The following PLCB1 variants were observed in gnomAD, a reference collection of about 807,000 sequenced individuals.
The protein encoded by PLCB1 is phospholipase C beta 1, also known as 1-phosphatidylinositol 4,5-bisphosphate phosphodiesterase beta-1.
In PLCB1, 46 loss-of-function variants were observed where a neutral mutation model predicts 161.8. That is an observed-to-expected ratio of 0.28 (90% confidence interval 0.22 to 0.36). PLCB1 has a LOEUF of 0.36. Among genes scored for constraint, PLCB1 ranks in the 10% least tolerant of loss-of-function variants. The probability of loss-of-function intolerance (pLI) is 1.00; values close to 1 mark genes in which losing one functional copy is unlikely to be tolerated. For missense variants in PLCB1, 1,016 were observed against 1,472.5 expected (o/e 0.69, Z 5.07); for synonymous variants, 517 against 503.7 (o/e 1.03, Z -0.35).
intron 7 of PLCB1, chr20:8,653,345 C>G (rs1989369861): frequency 6.6e-6 from 1 of 151,960 alleles, no homozygotes; most frequent in South Asian, 2.1e-4. Flanking sequence ...TGCCTTACAT[C>G]CTGAATATAA....
intron 3 of PLCB1, among the ~76,000 whole-genome samples, chr20:8,424,384 T>C (rs1204297128): frequency 6.6e-6 from 1 of 152,256 alleles, no homozygotes; most frequent in Admixed American, 6.5e-5. Context: ...ACTATAAGCA[T>C]GTATTATTTT....
chr20:8,722,265 A>C (rs1979684748), intron 14 of PLCB1, 89 bp from the exon 15 acceptor site: 1 of 945,598 alleles, frequency 1.1e-6, no homozygotes. Context: ...GGAAATCTGT[A>C]ATTGATTTTA....
intron 3 of PLCB1, among the ~76,000 whole-genome samples, chr20:8,591,075 T>C (rs1219132091): frequency 6.6e-6 from 1 of 152,114 alleles, no homozygotes; most frequent in Non-Finnish European, 1.5e-5. Flanking sequence ...CATGAGGCGT[T>C]TGGTTTTCTG....
At chr20:8,604,226 C>G (rs1987689370) in intron 3 of PLCB1, among the ~76,000 whole-genome samples, 1 of 127,760 alleles carries the variant, frequency 7.8e-6, no homozygotes, top group Admixed American at 9.4e-5. Flanking sequence ...GCACTCCAGC[C>G]TGAGTAACAG....
chr20:8,517,072 C>T (rs567511372), intron 3 of PLCB1, among the ~76,000 whole-genome samples: 4 of 152,102 alleles, frequency 2.6e-5, no homozygotes, highest in African/African-American at 7.2e-5. Context: ...AAATTCACCA[C>T]AATAGAGGGG....
chr20:8,668,809 A>G (rs901054969), intron 9 of PLCB1, among the ~76,000 whole-genome samples: 5 of 152,198 alleles, frequency 3.3e-5, no homozygotes. Flanking sequence ...ACAGTCTGCT[A>G]TGATATTATT....
intron 2 of PLCB1, among the ~76,000 whole-genome samples, chr20:8,332,634 A>G (rs1359430545): frequency 6.6e-6 from 1 of 152,232 alleles, no homozygotes; most frequent in Non-Finnish European, 1.5e-5. Flanking sequence ...ACACGTAGCC[A>G]CTCAGTGGCA....
chr20:8,568,913 C>T (rs1484914635), intron 3 of PLCB1, among the ~76,000 whole-genome samples: 1 of 152,164 alleles, frequency 6.6e-6, no homozygotes, highest in Non-Finnish European at 1.5e-5. Context: ...TGTGAGTTAA[C>T]AAGCAGGTTA....
chr20:8,635,251 AGAGAGGAAAGGAAGG>A (rs1332221788), intron 4 of PLCB1, among the ~76,000 whole-genome samples: 1 of 152,000 alleles, frequency 6.6e-6, no homozygotes, highest in Non-Finnish European at 1.5e-5. Context: ...GAGAGGTGTG[AGAGAGGAAAGGAAGG>A]GAAAGGAAAG....
chr20:8,266,919 AT>A (rs1981985024), intron 2 of PLCB1, among the ~76,000 whole-genome samples: 1 of 152,008 alleles, frequency 6.6e-6, no homozygotes, highest in African/African-American at 2.4e-5. Flanking sequence ...GGCACCCATA[AT>A]TCCAGCTACT....
intron 7 of PLCB1, among the ~76,000 whole-genome samples, chr20:8,650,510 T>A (rs993115101): frequency 6.6e-6 from 1 of 152,114 alleles, no homozygotes; most frequent in Non-Finnish European, 1.5e-5. Flanking sequence ...GCCTATGGAG[T>A]AGCCCTGCTC....
intron 3 of PLCB1, among the ~76,000 whole-genome samples, chr20:8,548,266 CTTCT>C (rs968142950): frequency 1.6e-5 from 2 of 122,634 alleles, no homozygotes; most frequent in African/African-American, 6.4e-5. Context: ...CCCTTCCTTC[CTTCT>C]TTCATTTTTT....
chr20:8,802,133 C>T (rs372137190), intron 31 of PLCB1: 8 of 1,612,288 alleles, frequency 5.0e-6, no homozygotes, highest in Non-Finnish European at 6.8e-6. Flanking sequence ...CTCCCCCCAA[C>T]CCTCAAGCTC....
intron 3 of PLCB1, among the ~76,000 whole-genome samples, chr20:8,538,950 C>T (rs965865563): frequency 5.3e-5 from 8 of 151,888 alleles, no homozygotes; most frequent in East Asian, 3.9e-4. Context: ...CCTGCCACCA[C>T]GCCAGCTAAT....
At chr20:8,418,039 C>T (rs1600387586) in intron 3 of PLCB1, among the ~76,000 whole-genome samples, 1 of 152,188 alleles carries the variant, frequency 6.6e-6, no homozygotes, top group Non-Finnish European at 1.5e-5. Flanking sequence ...GAGGACAGTT[C>T]CCTGGTGAAG....
intron 3 of PLCB1, among the ~76,000 whole-genome samples, chr20:8,393,962 T>C (rs1307843083): frequency 6.6e-6 from 1 of 152,166 alleles, no homozygotes; most frequent in Non-Finnish European, 1.5e-5. Context: ...AATATTAATA[T>C]AATGTTGAAT....
At chr20:8,767,419 C>CA (rs1168490435) in intron 26 of PLCB1, among the ~76,000 whole-genome samples, 2 of 152,184 alleles carry the variant, frequency 1.3e-5, no homozygotes, top group Non-Finnish European at 2.9e-5. Context: ...TCCCAGCTGC[C>CA]ATCTCCCAGC....
chr20:8,638,998 C>T (rs893982171), intron 4 of PLCB1, among the ~76,000 whole-genome samples: 4 of 145,742 alleles, frequency 2.7e-5, no homozygotes, highest in African/African-American at 7.9e-5. Context: ...CTCATGTAGC[C>T]GGAACCCTGA....
At chr20:8,700,313 C>T (rs1054623014) in intron 11 of PLCB1, among the ~76,000 whole-genome samples, 2 of 152,234 alleles carry the variant, frequency 1.3e-5, no homozygotes, top group South Asian at 2.1e-4. Context: ...AATTTAAAAT[C>T]CTCCAAGTTC....
Sources: gnomAD v4.1 joint callset for allele counts (sites outside exome capture counted in the v4.1 genomes callset) on GRCh38, gnomAD v4.1.1 for gene constraint, MANE v1.5 for transcripts, NCBI Gene and HGNC (gene_info 2026-07-23, HGNC 2026-07-21) for gene names.